CACNA1S: variants seen among roughly 807,000 people sequenced by gnomAD.
The protein encoded by CACNA1S is calcium voltage-gated channel subunit alpha1 S, also known as voltage-dependent L-type calcium channel subunit alpha-1S.
CACNA1S carries 126 observed loss-of-function variants against 207.4 expected under a neutral mutation model. The ratio of observed to expected loss-of-function variants is 0.61; its 90% CI spans 0.53 to 0.70. CACNA1S has a LOEUF of 0.70. CACNA1S is among the 30% of genes least tolerant of loss of function. The probability of loss-of-function intolerance (pLI) is 0.00; values close to 1 mark genes in which losing one functional copy is unlikely to be tolerated. For synonymous variants in CACNA1S, 960 were observed against 932.7 expected (o/e 1.03, Z -0.53); for missense variants, 2,349 against 2,422.8 (o/e 0.97, Z 0.64).
chr1:201,090,701 C>T (rs968404945), intron 5 of CACNA1S, among the ~76,000 whole-genome samples: 5 of 152,128 alleles, frequency 3.3e-5, no homozygotes, highest in African/African-American at 4.8e-5. Context: ...ACTGCTGAGA[C>T]GTTAGTTGCC....
intron 40 of CACNA1S, chr1:201,042,800 T>G (rs566585232): frequency 5.6e-6 from 1 of 178,112 alleles, no homozygotes; most frequent in African/African-American, 2.4e-5. Flanking sequence ...TGAGAAGTTC[T>G]CCCCCTCATC....
chr1:201,089,944 G>A (rs1438990593), intron 5 of CACNA1S, among the ~76,000 whole-genome samples: 1 of 152,232 alleles, frequency 6.6e-6, no homozygotes, highest in Non-Finnish European at 1.5e-5. Context: ...TCTGCACTCA[G>A]GGGAAGTTCC....
intron 4 of CACNA1S, 62 bp downstream of exon 4, chr1:201,091,910 C>T (rs1662247423): frequency 7.5e-6 from 12 of 1,610,578 alleles, no homozygotes; most frequent in East Asian, 4.5e-5. Context: ...GGACCCAGAA[C>T]TGGGGGACAA....
intron 16 of CACNA1S, among the ~76,000 whole-genome samples, chr1:201,071,252 C>T (rs548973336): frequency 6.6e-6 from 1 of 152,270 alleles, no homozygotes; most frequent in Non-Finnish European, 1.5e-5. Context: ...ATTCTACTGT[C>T]TCCATCATGG....
chr1:201,079,275 C>T (rs956880074), intron 10 of CACNA1S, among the ~76,000 whole-genome samples: 12 of 152,078 alleles, frequency 7.9e-5, no homozygotes, highest in African/African-American at 2.9e-4. Flanking sequence ...CTCTTCACCT[C>T]ATCCCTACCT....
Position 201,078,093 on chromosome 1 carries a change from G to C in CACNA1S, c.1405C>G (p.Arg469Gly), listed in dbSNP as rs751576994. Residue 469 changes from arginine (R) to glycine (G), a missense_variant, in exon 11 of 44, where the codon CGG becomes GGG. By Grantham distance (125) the Arg-to-Gly change is moderately radical (BLOSUM62 -2). Coordinates refer to ENST00000362061, the MANE Select transcript of CACNA1S (RefSeq NM_000069.3). ...WLTRLQDIAN[R>G]VLLSLFTTEM... Reference sequence around the variant, plus strand: ...GTGGTGAAGAGGGACAGCAGCACCCGGTTGGCAATGTCTGTAGGGTTGGTG... The same window carrying C: ...GTGGTGAAGAGGGACAGCAGCACCCCGTTGGCAATGTCTGTAGGGTTGGTG... 6.2e-7 allele frequency: 1 copy of C among 1,613,840 alleles called. No homozygotes were observed. The highest frequency in any genetic ancestry group is 8.5e-7 in the Non-Finnish European group (1 of 1,179,704).
intron 22 of CACNA1S, among the ~76,000 whole-genome samples, chr1:201,063,531 C>T (rs1230093823): frequency 9.2e-5 from 14 of 152,102 alleles, no homozygotes; most frequent in Non-Finnish European, 1.6e-4. Flanking sequence ...TCAAGTGATC[C>T]GCCCGCCTCG....
intron 28 of CACNA1S, among the ~76,000 whole-genome samples, chr1:201,057,812 AT>A (rs11306691): frequency 0.59 from 89,370 of 151,862 alleles, 27,275 homozygotes; most frequent in East Asian, 0.99. Context: ...TCAAAAACAT[AT>A]TTTTTAAAAA....
intron 12 of CACNA1S, among the ~76,000 whole-genome samples, chr1:201,076,629 G>C (rs542226183): frequency 6.6e-6 from 1 of 152,320 alleles, no homozygotes; most frequent in Admixed American, 6.5e-5. Flanking sequence ...CGGACTCCCA[G>C]GCCATCCCTA....
intron 22 of CACNA1S, 24 bp from the exon 23 acceptor site, chr1:201,062,538 G>T: frequency 3.1e-6 from 5 of 1,595,802 alleles, no homozygotes; most frequent in Non-Finnish European, 4.3e-6. Flanking sequence ...GAGGGAGGGA[G>T]GGAGGGAGGC....
rs1337675074 is a variant in CACNA1S, at chr1:201,070,162, T to C, written c.2360+110A>G. The stretch of plus-strand genomic sequence containing the variant: ...CAAGATCTTAAGCTAAAACACTGAG[T>C]TTCTCATAGTATAACTGTAGGCATG... On this transcript the variant is annotated intron_variant, in intron 17 of 43. Transcript: ENST00000362061. The C allele has an allele frequency of 4.2e-6, 5 of 1,198,774 alleles. No individual in the cohort carries two copies. The South Asian group carries it at 5.0e-5, about 12-fold the overall frequency. The allele number at this position is 1,198,774 out of a possible 1,614,324, so 74.3% of individuals were successfully genotyped here.
chr1:201,077,912 C>T lies in CACNA1S; in HGVS notation c.1586G>A (p.Cys529Tyr). 6.2e-7 allele frequency: 1 copy of T among 1,614,018 alleles called. No individual in the cohort carries two copies. The highest frequency in any genetic ancestry group is 8.5e-7 in the Non-Finnish European group (1 of 1,179,878). ...MTPLGISVLRCIRLLRIFKIT... is the reference protein window; with the variant it reads ...MTPLGISVLRYIRLLRIFKIT... ...CTTGAAGATCCTCAGGAGGCGGATG[C>T]AGCGGAGCACGGAGATGCCCAGGGG... Residue 529 changes from cysteine (C) to tyrosine (Y), a missense_variant, in exon 11 of 44, where the codon TGC becomes TAC. Transcript: ENST00000362061.
At chr1:201,055,215 G>A (rs1271275999) in intron 28 of CACNA1S, among the ~76,000 whole-genome samples, 2 of 152,226 alleles carry the variant, frequency 1.3e-5, no homozygotes, top group South Asian at 2.1e-4. Context: ...TGGGTCAAAA[G>A]AAGTCATTGT....
chr1:201,054,664 A>G, intron 28 of CACNA1S, 103 bp from the exon 29 acceptor site: 1 of 772,504 alleles, frequency 1.3e-6, no homozygotes, highest in Non-Finnish European at 2.0e-6. Context: ...AGACACACAG[A>G]AGAGTTAAAG....
At position 201,060,591 on chromosome 1, in the gene CACNA1S, T is replaced by C. The variant is rs28986463; in HGVS notation, c.3414+67A>G. On this transcript the variant is annotated intron_variant, in intron 26 of 43. Transcript: ENST00000362061. The stretch of plus-strand genomic sequence containing the variant: ...GGGAATCCTGGCTATCCTGCCCTAC[T>C]CATCCTGCCCTACCCAAGGCCCAGG... 3.5e-5 allele frequency: 54 copies of C among 1,561,102 alleles called. No individual in the cohort carries two copies. Among genetic ancestry groups the C allele is most frequent in the East Asian group, 9.0e-5 (4 of 44,392 alleles).
intron 17 of CACNA1S, 21 bp downstream of exon 17, chr1:201,070,251 C>G (rs1422397235): frequency 1.9e-6 from 3 of 1,613,780 alleles, no homozygotes; most frequent in Non-Finnish European, 2.5e-6. Context: ...ATCACCCCCA[C>G]AGCAGCCAAG....
chr1:201,103,661 C>G (rs1662762358), intron 2 of CACNA1S, among the ~76,000 whole-genome samples: 1 of 152,196 alleles, frequency 6.6e-6, no homozygotes, highest in Non-Finnish European at 1.5e-5. Flanking sequence ...TACAGTGGCC[C>G]AGGCTCAAAC....
chr1:201,084,397 CCTT>C (rs1419137892), intron 9 of CACNA1S, among the ~76,000 whole-genome samples: 2 of 152,160 alleles, frequency 1.3e-5, no homozygotes, highest in Non-Finnish European at 2.9e-5. Context: ...GCACTGGAGA[CCTT>C]CATCTTTTCT....
chr1:201,044,605 G>C, intron 38 of CACNA1S, 149 bp from the exon 39 acceptor site: 1 of 855,416 alleles, frequency 1.2e-6, no homozygotes, highest in Non-Finnish European at 1.8e-6. Flanking sequence ...CTGCTTCCCG[G>C]GTTCAAGTGA....
Sources: allele counts gnomAD v4.1 joint callset (sites outside exome capture counted in the v4.1 genomes callset), GRCh38; gene constraint gnomAD v4.1.1; transcripts MANE v1.5; gene names NCBI Gene and HGNC (gene_info 2026-07-23, HGNC 2026-07-21).